The following DMD variants were observed in gnomAD, a reference collection of about 807,000 sequenced individuals.
The protein encoded by DMD is mutant dystrophin.
Under a neutral mutation model 330.1 loss-of-function variants are expected in DMD, and 63 were observed. The observed-to-expected ratio is 0.19, with a 90% confidence interval of 0.16 to 0.24. DMD has a LOEUF of 0.24. DMD is among the 10% of genes least tolerant of loss of function. The pLI is 1.00. For missense variants in DMD, 3,344 were observed against 2,684.1 expected, an observed-to-expected ratio of 1.25 and a Z score of -5.43; for synonymous variants, 1,223 against 959.8, an observed-to-expected ratio of 1.27 and a Z score of -5.07.
chrX:33,107,768 C>CA (rs1053466470), intron 1 of DMD, among the ~76,000 whole-genome samples: 2 of 111,041 alleles, frequency 1.8e-5, no homozygotes, highest in South Asian at 3.8e-4. Context: ...ATTCATTCAG[C>CA]AAAAAAATAG....
At chrX:32,270,148 G>C (rs144360511) in intron 43 of DMD, among the ~76,000 whole-genome samples, 1 of 112,313 alleles carries the variant, frequency 8.9e-6, no homozygotes, top group East Asian at 2.8e-4. Flanking sequence ...GGAAAGTCAT[G>C]ATGCTATTTG....
intron 1 of DMD, among the ~76,000 whole-genome samples, chrX:33,325,723 A>C (rs1035435062): frequency 8.9e-6 from 1 of 112,542 alleles, no homozygotes; most frequent in Non-Finnish European, 1.9e-5. Context: ...TATACTTTAC[A>C]ATAACCATGC....
chrX:32,677,111 T>C (rs775770149), intron 9 of DMD, among the ~76,000 whole-genome samples: 1 of 111,619 alleles, frequency 9.0e-6, no homozygotes, highest in South Asian at 3.7e-4. Context: ...GAAACTCCTA[T>C]AAAATTAATT....
chrX:31,785,438 T>C (rs2091246697), intron 50 of DMD, among the ~76,000 whole-genome samples: 1 of 112,233 alleles, frequency 8.9e-6, no homozygotes, highest in South Asian at 3.7e-4. Flanking sequence ...TTGTATTATG[T>C]GGGTTTTGTT....
intron 7 of DMD, among the ~76,000 whole-genome samples, chrX:32,769,979 A>T (rs1417070905): frequency 2.7e-5 from 3 of 112,170 alleles, no homozygotes; most frequent in Admixed American, 9.5e-5. Context: ...AGTACAGACT[A>T]TGCATGAAGT....
At chrX:33,027,396 C>A (rs973864575) in intron 1 of DMD, among the ~76,000 whole-genome samples, 1 of 112,320 alleles carries the variant, frequency 8.9e-6, no homozygotes, top group Non-Finnish European at 1.9e-5. Context: ...AGTACACAGC[C>A]CTTCTGGCAT....
chrX:32,334,129 T>C (rs3788900), intron 41 of DMD, among the ~76,000 whole-genome samples: 57,480 of 109,370 alleles, frequency 0.53, 11,936 homozygotes, highest in South Asian at 0.77. Context: ...CAAATATTTA[T>C]AACCACTATG....
At chrX:32,429,387 G>GTTTTTTTTTGTTTTTTTTTTT (rs2098227559) in intron 29 of DMD, among the ~76,000 whole-genome samples, 1 of 44,195 alleles carries the variant, frequency 2.3e-5, no homozygotes, top group African/African-American at 1.1e-4. Flanking sequence ...TTTTTTTTGG[G>GTTTTTTTTTGTTTTTTTTTTT]TTTTTTTTTT....
chrX:32,751,722 G>T (rs1005666047), intron 7 of DMD, among the ~76,000 whole-genome samples: 5 of 112,241 alleles, frequency 4.5e-5, no homozygotes, highest in Non-Finnish European at 7.5e-5. Context: ...CTTTGTGGCA[G>T]CCCCTCCCAT....
chrX:32,641,960 T>G (rs907052854), intron 11 of DMD, among the ~76,000 whole-genome samples: 1 of 111,895 alleles, frequency 8.9e-6, no homozygotes, highest in Admixed American at 9.5e-5. Context: ...TAATGGAAAC[T>G]GAACAGGTTA....
chrX:31,885,141 A>T (rs968056321), intron 47 of DMD, among the ~76,000 whole-genome samples: 8 of 111,349 alleles, frequency 7.2e-5, no homozygotes, highest in South Asian at 7.5e-4. Context: ...GAAGTACATA[A>T]CATTTTCTAA....
intron 7 of DMD, among the ~76,000 whole-genome samples, chrX:32,719,690 TTTAAG>T (rs955346557): frequency 7.2e-5 from 8 of 111,698 alleles, no homozygotes; most frequent in African/African-American, 2.6e-4. Context: ...TGTGTTCTTA[TTTAAG>T]TTATTTTCAC....
intron 7 of DMD, among the ~76,000 whole-genome samples, chrX:32,802,606 G>A (rs762409421): frequency 9.0e-6 from 1 of 111,664 alleles, no homozygotes; most frequent in Non-Finnish European, 1.9e-5. Flanking sequence ...GATATTGGCT[G>A]TGGGTATGTC....
chrX:32,545,378 C>G (rs181927190), intron 16 of DMD, 44 bp from the exon 17 acceptor site: 1 of 1,161,021 alleles, frequency 8.6e-7, no homozygotes, highest in South Asian at 1.8e-5. Context: ...GCTAGAAAGA[C>G]TTCAGTAAAG....
chrX:32,087,905 T>G (rs767017580), intron 44 of DMD, among the ~76,000 whole-genome samples: 2 of 112,428 alleles, frequency 1.8e-5, no homozygotes, highest in Admixed American at 1.9e-4. Context: ...TTTCTGGATA[T>G]AAGGCACTGC....
intron 47 of DMD, among the ~76,000 whole-genome samples, chrX:31,907,039 C>T (rs1366931929): frequency 8.9e-6 from 1 of 111,971 alleles, no homozygotes. Context: ...ATTTGAAAAG[C>T]TATGACATGG....
At chrX:32,201,071 C>T (rs1336118793) in intron 44 of DMD, among the ~76,000 whole-genome samples, 1 of 111,701 alleles carries the variant, frequency 9.0e-6, no homozygotes, top group Non-Finnish European at 1.9e-5. Context: ...TGGTTTACCC[C>T]TTATCTGTAG....
intron 44 of DMD, among the ~76,000 whole-genome samples, chrX:31,978,157 C>A (rs958943243): frequency 3.6e-5 from 4 of 111,652 alleles, no homozygotes; most frequent in Non-Finnish European, 7.5e-5. Flanking sequence ...TTGACTGAAA[C>A]CTCAAAGGAA....
At chrX:32,420,038 G>A (rs1470723940) in intron 29 of DMD, among the ~76,000 whole-genome samples, 2 of 111,713 alleles carry the variant, frequency 1.8e-5, no homozygotes, top group Non-Finnish European at 3.8e-5. Context: ...AAAAGAAAGT[G>A]AATGAAGCAT....
Sources: allele counts gnomAD v4.1 joint callset (sites outside exome capture counted in the v4.1 genomes callset), GRCh38; gene constraint gnomAD v4.1.1; transcripts MANE v1.5; gene names NCBI Gene and HGNC (gene_info 2026-07-23, HGNC 2026-07-21).